Variants in CENPF observed in about 807,000 individuals in gnomAD.
CENPF encodes the protein AH antigen.
Under a neutral mutation model 307.3 loss-of-function variants are expected in CENPF, and 214 were observed. The observed-to-expected ratio is 0.70, with a 90% CI of 0.62 to 0.78. The LOEUF is 0.78. CENPF is among the 30% of genes least tolerant of loss of function. CENPF has a pLI of 0.00. For missense variants in CENPF, 3,401 were observed against 3,483.9 expected (o/e 0.98, Z 0.60); for synonymous variants, 1,259 against 1,270.6 (o/e 0.99, Z 0.19).
rs766429368 is a variant in CENPF, at chr1:214,643,183, C to T, written c.4845C>T (p.Ser1615=). Residue 1615 remains serine, a synonymous_variant, in exon 12 of 20, where the codon AGC becomes AGT. Coordinates refer to ENST00000366955, the MANE Select transcript of CENPF (RefSeq NM_016343.4). ...ENEQWQQKLT[S]VTLEMESKLA... ...AACAGTGGCAACAGAAGCTGACAAG[C>T]GTGACTCTGGAGATGGAGTCCAAGT... is the stretch of plus-strand genomic sequence containing the variant. 4.4e-6 allele frequency: 7 copies of T among 1,604,360 alleles called. No homozygotes were observed. The highest frequency in any genetic ancestry group is 2.2e-5 in the South Asian group (2 of 89,500).
intron 1 of CENPF, chr1:214,613,070 C>G: frequency 2.9e-6 from 1 of 340,146 alleles, no homozygotes; most frequent in Non-Finnish European, 5.5e-6. Flanking sequence ...TGAATTCTGC[C>G]ATTTTGCTAG....
chr1:214,652,568 C>G (rs1009215555), intron 15 of CENPF, among the ~76,000 whole-genome samples: 1 of 151,208 alleles, frequency 6.6e-6, no homozygotes, highest in Non-Finnish European at 1.5e-5. Context: ...CTCAGCCTCC[C>G]GAGTAGCTGG....
chr1:214,659,468 T>C lies in CENPF; in HGVS notation c.9141+440T>C, dbSNP rs1421181232. Among the ~76,000 whole-genome samples the C allele has an allele frequency of 6.6e-6, 1 of 152,132 alleles. No homozygotes were observed. The highest frequency in any genetic ancestry group is 1.5e-5 in the Non-Finnish European group (1 of 68,022). ...TCTTAAAAAAAAAAAAAGCACATATTTCAATAGATATCTAAGGAAAGGAAC... is the reference window on the plus strand; with the variant it reads ...TCTTAAAAAAAAAAAAAGCACATATCTCAATAGATATCTAAGGAAAGGAAC... On this transcript the variant is annotated intron_variant, in intron 19 of 19. Coordinates refer to ENST00000366955, the MANE Select transcript of CENPF (RefSeq NM_016343.4). This position sits in a 1 kb window ranked among gnomAD's most constrained non-coding sequence, Gnocchi z 4.4.
rs1658604766 is a variant in CENPF at position 214,655,423 on chromosome 1, C to T, written c.8485+20C>T. 8 of 1,555,962 alleles carry T rather than the reference C, an allele frequency of 5.1e-6. No homozygotes were observed. The South Asian group carries it at 8.8e-5, about 17-fold the overall frequency. On this transcript the variant is annotated intron_variant, in intron 17 of 19. Transcript: ENST00000366955. ...AAACAGGTGGGTGTTAACTGGGGCA[C>T]ATCAACTAGCCAGAACTCTTTTCCA...
At position 214,640,768 on chromosome 1, in the gene CENPF, G is replaced by C. The variant is rs1283930911; in HGVS notation, c.2430G>C (p.Glu810Asp). The change falls in exon 12 of 20, where the codon GAG becomes GAC. Residue 810 changes from glutamate (E) to aspartate (D), a missense_variant. Glu to Asp is a conservative substitution (Grantham distance 45). Transcript: ENST00000366955. ...GAGAACAAGGAAGCATGCCTTCAGAGAGGAGTGAATGTCGTTTAGAAGCAG... is the reference window on the plus strand; with the variant it reads ...GAGAACAAGGAAGCATGCCTTCAGACAGGAGTGAATGTCGTTTAGAAGCAG... ...IIGEQGSMPS[E>D]RSECRLEADQ... 6.2e-7 allele frequency: 1 copy of C among 1,613,886 alleles called. No homozygotes were observed. The highest frequency in any genetic ancestry group is 1.7e-5 in the Admixed American group (1 of 59,960).
In CENPF at chr1:214,629,159, G is replaced by A; in HGVS notation, c.1182G>A (p.Lys394=). 1 of 1,607,414 alleles carries A rather than the reference G, an allele frequency of 6.2e-7. No homozygotes were observed. The change falls in exon 8 of 20, where the codon AAG becomes AAA. Residue 394 remains lysine, a synonymous_variant. Coordinates refer to ENST00000366955, the MANE Select transcript of CENPF (RefSeq NM_016343.4). ...SLEQKIKEKE[K]EFQEELSRQQ... ...AACAGAAAATTAAGGAAAAAGAAAA[G>A]GAGTTTCAAGAGGTAAGGTAAATGG...
At chr1:214,628,959 T>C (rs1192433443) in intron 7 of CENPF, 87 bp from the exon 8 acceptor site, 1 of 991,278 alleles carries the variant, frequency 1.0e-6, no homozygotes, top group Non-Finnish European at 1.4e-6. Flanking sequence ...GCTAAAACAA[T>C]TATAGCAGTT....
rs1248581973 is a variant in CENPF, at chr1:214,645,882, A to G, written c.6312A>G (p.Ala2104=). 2 of 1,614,034 alleles carry G rather than the reference A, an allele frequency of 1.2e-6. No homozygotes were observed. The highest frequency in any genetic ancestry group is 1.3e-5 in the African/African-American group (1 of 74,938). ...EAALVEKGEF[A]LRLSSTQEEV... ...CACTGGTGGAGAAAGGTGAGTTCGC[A>G]TTGAGGCTGAGCTCAACACAGGAGG... Residue 2104 remains alanine (A), a synonymous_variant, in exon 13 of 20, where the codon GCA becomes GCG. Transcript: ENST00000366955.
In CENPF at chr1:214,662,873, G is replaced by A. The variant is rs140166290; in HGVS notation, c.9142-718G>A. ...CGGCTCACTGCAGCTTCAAACTCCTGGGCTCAAGCGATCCTCTTGCCTCAG... is the reference window on the plus strand; with the variant it reads ...CGGCTCACTGCAGCTTCAAACTCCTAGGCTCAAGCGATCCTCTTGCCTCAG... On this transcript the variant is annotated intron_variant, in intron 19 of 19. Coordinates refer to ENST00000366955, the MANE Select transcript of CENPF (RefSeq NM_016343.4). Among the ~76,000 whole-genome samples the A allele has an allele frequency of 2.2e-3, 341 of 151,746 alleles. 1 individual carries two copies. Among genetic ancestry groups the A allele is most frequent in the African/African-American group, 8.1e-3 (333 of 41,330 alleles).
chr1:214,663,811 A>C lies in CENPF; in HGVS notation c.*17A>C, dbSNP rs749454042. 6.2e-7 allele frequency: 1 copy of C among 1,605,828 alleles called. No homozygotes were observed. The highest frequency in any genetic ancestry group is 8.5e-7 in the Non-Finnish European group (1 of 1,173,672). On this transcript the variant is annotated 3_prime_UTR_variant, in exon 20 of 20. Coordinates refer to ENST00000366955, the MANE Select transcript of CENPF (RefSeq NM_016343.4). ...GTCCAGTGAAGGCACTTTGTGTGTC[A>C]GTACCCCTGGGAGGTGCCAGTCATT... is the stretch of plus-strand genomic sequence containing the variant.
rs756953394 is a variant in CENPF, at chr1:214,640,864, A to G, written c.2526A>G (p.Gln842=). 18 of 1,599,238 alleles carry G rather than the reference A, an allele frequency of 1.1e-5. No homozygotes were observed. Among genetic ancestry groups the G allele is most frequent in the Non-Finnish European group, 1.4e-5 (17 of 1,175,894 alleles). ...CACTTGAATTTTCATTAGAGTCTCA[A>G]AAACAGATGAACTCAGACCTGCAAA... ...VDSLEFSLES[Q]KQMNSDLQKQ... The change falls in exon 12 of 20, where the codon CAA becomes CAG. Residue 842 remains glutamine, a synonymous_variant. Coordinates refer to ENST00000366955, the MANE Select transcript of CENPF (RefSeq NM_016343.4).
intron 7 of CENPF, 100 bp downstream of exon 7, chr1:214,622,381 T>C: frequency 2.0e-6 from 2 of 1,016,716 alleles, no homozygotes; most frequent in East Asian, 5.2e-5. Flanking sequence ...GTCAGTAATG[T>C]TCTTTGTTAA....
chr1:214,641,462 A>G lies in CENPF; in HGVS notation c.3124A>G (p.Lys1042Glu). Reference protein sequence around the residue: ...TGNAYEDLSQKYKAAQEKNSK... With the variant: ...TGNAYEDLSQEYKAAQEKNSK... ...AAATGCATATGAGGATCTTAGTCAA[A>G]AATACAAAGCAGCACAGGAAAAGAA... Residue 1042 changes from lysine (K) to glutamate (E), a missense_variant, in exon 12 of 20, where the codon AAA (lysine) becomes GAA (glutamate). By Grantham distance (56) the Lys-to-Glu change is moderately conservative. Transcript: ENST00000366955. The G allele has an allele frequency of 6.5e-7, 1 of 1,545,252 alleles. No individual in the cohort carries two copies. The highest frequency in any genetic ancestry group is 8.7e-7 in the Non-Finnish European group (1 of 1,154,560).
intron 16 of CENPF, 150 bp from the exon 17 acceptor site, chr1:214,655,091 G>A (rs1320721831): frequency 2.2e-5 from 11 of 495,002 alleles, no homozygotes; most frequent in Admixed American, 2.0e-4. Context: ...AGTAGAGAAC[G>A]TGAATGGTTT....
At chr1:214,607,738 C>T in intron 1 of CENPF, among the ~76,000 whole-genome samples, 2 of 152,316 alleles carry the variant, frequency 1.3e-5, no homozygotes, top group Middle Eastern at 3.4e-3. Context: ...CCAGTGAAGG[C>T]CCCAGGCAAG....
intron 1 of CENPF, chr1:214,603,752 T>C (rs74140210): frequency 0.079 from 12,072 of 152,048 alleles, 1,280 homozygotes; most frequent in African/African-American, 0.25. Flanking sequence ...TTGATCTGGT[T>C]GGCGACGTGG....
chr1:214,641,030 G>A lies in CENPF; in HGVS notation c.2692G>A (p.Val898Ile). 1 of 1,566,870 alleles carries A rather than the reference G, an allele frequency of 6.4e-7. No individual in the cohort carries two copies. The highest frequency in any genetic ancestry group is 8.6e-7 in the Non-Finnish European group (1 of 1,164,492). The change falls in exon 12 of 20, where the codon GTT becomes ATT. Residue 898 changes from valine (V) to isoleucine (I), a missense_variant. Val to Ile is a conservative substitution (Grantham distance 29). Coordinates refer to ENST00000366955, the MANE Select transcript of CENPF (RefSeq NM_016343.4). ...GGAAGACACTTCTGCTCACCAGAAT[G>A]TTGTTGCTGAAACCTTAAGTGCCCT... ...LQEDTSAHQN[V>I]VAETLSALEN... is the part of the protein sequence containing the mutation.
At chr1:214,620,562 T>A in intron 5 of CENPF, 93 bp from the exon 6 acceptor site, 1 of 1,340,332 alleles carries the variant, frequency 7.5e-7, no homozygotes, top group Non-Finnish European at 1.0e-6. Flanking sequence ...ACTGTTAACT[T>A]CTTGGGATTA....
At chr1:214,614,421 C>G (rs1175831962) in intron 2 of CENPF, among the ~76,000 whole-genome samples, 1 of 152,136 alleles carries the variant, frequency 6.6e-6, no homozygotes, top group African/African-American at 2.4e-5. Flanking sequence ...TTAAAAATTA[C>G]CTCTCTATTA....
Sources: gnomAD v4.1 joint callset for allele counts (sites outside exome capture counted in the v4.1 genomes callset) on GRCh38, gnomAD v4.1.1 for gene constraint, Gnocchi (gnomAD v3.1) non-coding constraint, MANE v1.5 for transcripts, NCBI Gene and HGNC (gene_info 2026-07-23, HGNC 2026-07-21) for gene names.